The following DPP10 variants were observed in gnomAD, a reference collection of about 807,000 sequenced individuals.
The protein encoded by DPP10 is inactive dipeptidyl peptidase 10.
Under a neutral mutation model 120.9 loss-of-function variants are expected in DPP10, and 33 were observed. That is an observed-to-expected ratio of 0.27 (90% CI 0.21 to 0.37). The LOEUF (loss-of-function observed/expected upper bound fraction) is 0.37, where lower values mean the gene tolerates loss of function less well. Ranked by LOEUF, DPP10 falls within the 10% of genes least tolerant of loss-of-function variation. DPP10 has a pLI of 1.00. For synonymous variants in DPP10, 337 were observed against 326.1 expected (o/e 1.03, Z -0.36); for missense variants, 816 against 942.8 (o/e 0.87, Z 1.76).
At chr2:114,971,070 G>T (rs1354285614) in intron 1 of DPP10, among the ~76,000 whole-genome samples, 2 of 152,164 alleles carry the variant, frequency 1.3e-5, no homozygotes, top group Non-Finnish European at 2.9e-5. Context: ...ATACATACCC[G>T]ATTGAAATAA....
intron 5 of DPP10, among the ~76,000 whole-genome samples, chr2:115,545,361 A>G (rs1364352709): frequency 6.6e-6 from 1 of 152,164 alleles, no homozygotes; most frequent in Non-Finnish European, 1.5e-5. Flanking sequence ...TTTCATTTGA[A>G]GAGTTCACAG....
At chr2:114,674,715 C>G (rs1013119991) in intron 1 of DPP10, among the ~76,000 whole-genome samples, 1 of 152,004 alleles carries the variant, frequency 6.6e-6, no homozygotes, top group African/African-American at 2.4e-5. Flanking sequence ...ATCTGTTGTA[C>G]GATATGTGCT....
At chr2:114,946,468 A>T (rs1156515903) in intron 1 of DPP10, among the ~76,000 whole-genome samples, 1 of 152,164 alleles carries the variant, frequency 6.6e-6, no homozygotes, top group Non-Finnish European at 1.5e-5. Flanking sequence ...TAAGATGGTA[A>T]ATTTTCTGTT....
chr2:115,088,432 T>C (rs1205069290), intron 1 of DPP10, among the ~76,000 whole-genome samples: 2 of 152,102 alleles, frequency 1.3e-5, no homozygotes, highest in Non-Finnish European at 2.9e-5. Context: ...AAAACAACTT[T>C]TCTTTTTTTC....
intron 1 of DPP10, among the ~76,000 whole-genome samples, chr2:114,888,718 A>G (rs1370635336): frequency 6.6e-6 from 1 of 152,202 alleles, no homozygotes; most frequent in Non-Finnish European, 1.5e-5. Flanking sequence ...ACGTACTGAG[A>G]GACAGAAACT....
intron 3 of DPP10, among the ~76,000 whole-genome samples, chr2:115,392,967 TTTATATTGAATTTTCCTTTGTCATTTATA>T (rs2067421773): frequency 6.6e-6 from 1 of 152,296 alleles, no homozygotes; most frequent in South Asian, 2.1e-4. Context: ...GATTTGCATA[TTTATATTGAATTTTCCTTTGTCATTTATA>T]TTATTTCTAT....
At chr2:115,331,369 C>T (rs931339616) in intron 2 of DPP10, among the ~76,000 whole-genome samples, 5 of 152,170 alleles carry the variant, frequency 3.3e-5, no homozygotes, top group Non-Finnish European at 5.9e-5. Context: ...CATCTGCAAA[C>T]AAGGACAATT....
intron 2 of DPP10, among the ~76,000 whole-genome samples, chr2:115,342,966 G>C (rs901149091): frequency 6.6e-6 from 1 of 152,236 alleles, no homozygotes; most frequent in Admixed American, 6.5e-5. Flanking sequence ...AATCTAATGA[G>C]GTTAGTATAT....
chr2:114,517,716 C>T (rs1012960107), intron 1 of DPP10, among the ~76,000 whole-genome samples: 2 of 152,166 alleles, frequency 1.3e-5, no homozygotes, highest in Non-Finnish European at 2.9e-5. Flanking sequence ...GATCAGCTGC[C>T]TCAGATACAT....
intron 1 of DPP10, among the ~76,000 whole-genome samples, chr2:114,669,803 A>C (rs1010205661): frequency 6.6e-6 from 1 of 152,068 alleles, no homozygotes; most frequent in African/African-American, 2.4e-5. Context: ...AGGGAGAAAA[A>C]ATATAAATTT....
intron 19 of DPP10, among the ~76,000 whole-genome samples, chr2:115,800,308 T>C (rs571265805): frequency 2.4e-3 from 360 of 152,018 alleles, no homozygotes; most frequent in Middle Eastern, 6.9e-3. Flanking sequence ...TAAATTTGTT[T>C]GAGTTCATTG....
At chr2:115,383,807 C>A (rs1454241800) in intron 3 of DPP10, among the ~76,000 whole-genome samples, 1 of 152,108 alleles carries the variant, frequency 6.6e-6, no homozygotes, top group Non-Finnish European at 1.5e-5. Context: ...ATTACTCTTT[C>A]TTTCTTGTTC....
chr2:115,300,761 C>T (rs1330177072), intron 1 of DPP10, among the ~76,000 whole-genome samples: 2 of 151,880 alleles, frequency 1.3e-5, no homozygotes, highest in African/African-American at 4.8e-5. Flanking sequence ...CATTACTTTT[C>T]TTTAGCTCTC....
chr2:114,842,559 C>T (rs1256864235), intron 1 of DPP10, among the ~76,000 whole-genome samples: 1 of 151,990 alleles, frequency 6.6e-6, no homozygotes, highest in East Asian at 1.9e-4. Flanking sequence ...GACTTCTCTT[C>T]CCCAGGAAAA....
chr2:115,285,280 G>C (rs1313948106), intron 1 of DPP10, among the ~76,000 whole-genome samples: 1 of 151,886 alleles, frequency 6.6e-6, no homozygotes, highest in African/African-American at 2.4e-5. Context: ...TTAAAATAGC[G>C]AATTAACACT....
At chr2:115,058,602 G>C (rs1438163938) in intron 1 of DPP10, among the ~76,000 whole-genome samples, 1 of 152,152 alleles carries the variant, frequency 6.6e-6, no homozygotes, top group African/African-American at 2.4e-5. Context: ...GTTTCGCCAT[G>C]TTGGCAAGGC....
chr2:115,550,748 G>C (rs1251087172), intron 5 of DPP10, among the ~76,000 whole-genome samples: 2 of 152,082 alleles, frequency 1.3e-5, no homozygotes, highest in African/African-American at 4.8e-5. Context: ...TCATGGCCTG[G>C]TATAATTTAA....
intron 5 of DPP10, among the ~76,000 whole-genome samples, chr2:115,557,215 G>T (rs2149030819): frequency 6.6e-6 from 1 of 152,236 alleles, no homozygotes; most frequent in Admixed American, 6.5e-5. Flanking sequence ...AATGCGGTCA[G>T]AAAGAGTTCC....
At chr2:115,508,785 C>T (rs2077079876) in intron 4 of DPP10, among the ~76,000 whole-genome samples, 1 of 152,148 alleles carries the variant, frequency 6.6e-6, no homozygotes, top group Non-Finnish European at 1.5e-5. Flanking sequence ...TGCTTCTAGT[C>T]CCAGCTACTC....
Sources: gnomAD v4.1 joint callset for allele counts (sites outside exome capture counted in the v4.1 genomes callset) on GRCh38, gnomAD v4.1.1 for gene constraint, MANE v1.5 for transcripts, NCBI Gene and HGNC (gene_info 2026-07-23, HGNC 2026-07-21) for gene names.